The following SLCO3A1 variants were observed in gnomAD, a reference collection of about 807,000 sequenced individuals.
SLCO3A1 encodes PGE1 transporter.
SLCO3A1 carries 27 observed loss-of-function variants against 63.1 expected under a neutral mutation model. The ratio of observed to expected loss-of-function variants is 0.43; its 90% CI spans 0.32 to 0.59. The LOEUF (loss-of-function observed/expected upper bound fraction) is 0.59. Among genes scored for constraint, SLCO3A1 ranks in the 20% least tolerant of loss-of-function variants. The pLI, the probability that SLCO3A1 is intolerant of heterozygous loss-of-function variation, is 0.09. For missense variants in SLCO3A1, 773 were observed against 945.8 expected, an observed-to-expected ratio of 0.82 and a Z score of 2.40; for synonymous variants, 473 against 409.9, an observed-to-expected ratio of 1.15 and a Z score of -1.86.
At chr15:92,082,949 C>T (rs2047364352) in intron 2 of SLCO3A1, among the ~76,000 whole-genome samples, 1 of 152,168 alleles carries the variant, frequency 6.6e-6, no homozygotes, top group East Asian at 1.9e-4. Flanking sequence ...TTCTCATCTA[C>T]AAAAAGAGTC....
Position 92,128,445 on chromosome 15 carries a change from G to A in SLCO3A1, c.1468G>A (p.Gly490Ser), listed in dbSNP as rs772376556. The stretch of plus-strand genomic sequence containing the variant: ...CTTCACTCCAGTGTGTGGGGCAGAT[G>A]GCATCACCTACCTGTCTGCCTGCTT... Reference protein sequence around the residue: ...DSFTPVCGADGITYLSACFAG... With the variant: ...DSFTPVCGADSITYLSACFAG... The change falls in exon 7 of 10, where the codon GGC becomes AGC. Residue 490 changes from glycine (G) to serine (S), a missense_variant. This residue lies in a region of SLCO3A1 where 565 missense variants were observed against 749.8 expected (regional missense o/e 0.75). Transcript: ENST00000318445. 6.2e-7 allele frequency: 1 copy of A among 1,614,090 alleles called. No homozygotes were observed. Among genetic ancestry groups the A allele is most frequent in the Non-Finnish European group, 8.5e-7 (1 of 1,179,976 alleles).
intron 1 of SLCO3A1, among the ~76,000 whole-genome samples, chr15:91,877,318 T>C (rs1429280386): frequency 6.6e-6 from 1 of 152,212 alleles, no homozygotes; most frequent in Non-Finnish European, 1.5e-5. Context: ...TAATCTCTCT[T>C]AACCTTAAAA....
chr15:92,032,081 C>G (rs891002074), intron 2 of SLCO3A1, among the ~76,000 whole-genome samples: 1 of 152,326 alleles, frequency 6.6e-6, no homozygotes, highest in Non-Finnish European at 1.5e-5. Flanking sequence ...GATATTCAGT[C>G]TACCCTCATT....
At chr15:92,171,762 T>A in intron 10 of SLCO3A1, 8 of 1,535,578 alleles carry the variant, frequency 5.2e-6, no homozygotes, top group Non-Finnish European at 7.1e-6. Flanking sequence ...TGGCTCTTCT[T>A]CCCTCCTCCC....
Position 92,164,311 on chromosome 15 carries a change from G to T in SLCO3A1, c.*1176G>T, listed in dbSNP as rs1397548844. 1.0e-6 allele frequency: 1 copy of T among 984,426 alleles called. No homozygotes were observed. The allele number at this position is 984,426 out of a possible 1,614,324, so 61.0% of individuals were successfully genotyped here. A position where few individuals can be genotyped will look rare whatever the true frequency, so the allele number is the denominator to read the frequency against. On this transcript the variant is annotated 3_prime_UTR_variant, in exon 10 of 10. Coordinates refer to ENST00000318445, the MANE Select transcript of SLCO3A1 (RefSeq NM_013272.4). ...AACAAGAATATACAATGTGTTACAA[G>T]AAGAAAAAAAAATGCTTCAAAAAGA...
chr15:91,966,018 C>A (rs1377974333), intron 2 of SLCO3A1, among the ~76,000 whole-genome samples: 1 of 152,130 alleles, frequency 6.6e-6, no homozygotes, highest in Non-Finnish European at 1.5e-5. Flanking sequence ...TGTATTTCAT[C>A]CCCTCCTGGT....
Position 92,136,281 on chromosome 15 carries a change from GA to G in SLCO3A1, c.1512+7794del, listed in dbSNP as rs1444185456. ...CTTAGAAAAATAATCTTTCCACCTT[GA>G]ACTTCGCTTCCTTTGTACAATTAAT... On this transcript the variant is annotated intron_variant, in intron 7 of 9. Coordinates refer to ENST00000318445, the MANE Select transcript of SLCO3A1 (RefSeq NM_013272.4). Among the ~76,000 whole-genome samples, 3 of 152,126 alleles carry G rather than the reference GA, an allele frequency of 2.0e-5. No homozygotes were observed. In the East Asian group the frequency reaches 5.8e-4, roughly 29 times the overall value.
intron 2 of SLCO3A1, among the ~76,000 whole-genome samples, chr15:92,011,625 C>A (rs564982823): frequency 6.6e-6 from 1 of 152,308 alleles, no homozygotes; most frequent in Non-Finnish European, 1.5e-5. Context: ...TGCTTTTTAA[C>A]CCCCTTGGCG....
chr15:92,057,975 A>T (rs965192432), intron 2 of SLCO3A1, among the ~76,000 whole-genome samples: 5 of 152,194 alleles, frequency 3.3e-5, no homozygotes, highest in African/African-American at 9.7e-5. Context: ...TATTGTAAGT[A>T]TGATACATCC....
At chr15:92,000,742 T>C (rs2046243812) in intron 2 of SLCO3A1, among the ~76,000 whole-genome samples, 2 of 152,254 alleles carry the variant, frequency 1.3e-5, no homozygotes, top group Admixed American at 6.5e-5. Flanking sequence ...TAGAAATCTG[T>C]CTCTTAGCAG....
At position 91,883,060 on chromosome 15, in the gene SLCO3A1, G is replaced by C. The variant is rs1012319256; in HGVS notation, c.180+28972G>C. Among the ~76,000 whole-genome samples, 2 of 152,242 alleles carry C rather than the reference G, an allele frequency of 1.3e-5. No homozygotes were observed. The highest frequency in any genetic ancestry group is 4.8e-5 in the African/African-American group (2 of 41,460). On this transcript the variant is annotated intron_variant, in intron 1 of 9. Coordinates refer to ENST00000318445, the MANE Select transcript of SLCO3A1 (RefSeq NM_013272.4). The surrounding 1 kb of genome is among the most constrained non-coding windows in gnomAD (Gnocchi z 4.8). ...TCCACTGTAAACAGAGAGGAGAATG[G>C]TGAGGACTTGGGAAGGAGCCATGTG...
At chr15:92,130,210 T>A (rs1392911689) in intron 7 of SLCO3A1, among the ~76,000 whole-genome samples, 1 of 152,232 alleles carries the variant, frequency 6.6e-6, no homozygotes, top group Non-Finnish European at 1.5e-5. Flanking sequence ...TACAGGAGTC[T>A]TATTGAATAA....
chr15:92,072,022 TTGTG>T (rs1437460838), intron 2 of SLCO3A1, among the ~76,000 whole-genome samples: 1 of 152,194 alleles, frequency 6.6e-6, no homozygotes, highest in African/African-American at 2.4e-5. Flanking sequence ...ATGACGCACT[TTGTG>T]TGAGATGCCT....
intron 2 of SLCO3A1, among the ~76,000 whole-genome samples, chr15:92,021,083 A>G (rs1037931992): frequency 6.6e-6 from 1 of 152,202 alleles, no homozygotes; most frequent in African/African-American, 2.4e-5. Context: ...TTTCCCAGAC[A>G]TGTCTAAGTA....
At chr15:92,046,477 C>G (rs2046864916) in intron 2 of SLCO3A1, among the ~76,000 whole-genome samples, 1 of 152,098 alleles carries the variant, frequency 6.6e-6, no homozygotes, top group South Asian at 2.1e-4. Context: ...TTGCATTGAG[C>G]CAAGATCATG....
intron 2 of SLCO3A1, among the ~76,000 whole-genome samples, chr15:91,934,476 C>A (rs796465806): frequency 7.2e-5 from 11 of 152,158 alleles, no homozygotes; most frequent in African/African-American, 2.7e-4. Context: ...AAGGGAAAAG[C>A]GGGTGCCCCA....
intron 2 of SLCO3A1, among the ~76,000 whole-genome samples, chr15:91,971,354 C>A (rs113259622): frequency 8.7e-6 from 1 of 114,354 alleles, no homozygotes; most frequent in African/African-American, 3.1e-5. Flanking sequence ...GAGGTCGTGC[C>A]ACTGCACTCC....
intron 2 of SLCO3A1, among the ~76,000 whole-genome samples, chr15:91,939,305 A>G (rs12901800): frequency 0.71 from 108,396 of 152,008 alleles, 39,549 homozygotes; most frequent in East Asian, 0.98. Flanking sequence ...GAACAGCACC[A>G]AGAGGATGGT....
chr15:92,092,970 C>T (rs1202288103), intron 2 of SLCO3A1, among the ~76,000 whole-genome samples: 1 of 152,166 alleles, frequency 6.6e-6, no homozygotes, highest in Non-Finnish European at 1.5e-5. Flanking sequence ...TTCCAGATTT[C>T]TTCGCATCCA....
Sources: allele counts gnomAD v4.1 joint callset (sites outside exome capture counted in the v4.1 genomes callset), GRCh38; gene constraint gnomAD v4.1.1; regional missense constraint gnomAD v4.1.1; non-coding constraint Gnocchi (gnomAD v3.1); transcripts MANE v1.5; gene names NCBI Gene and HGNC (gene_info 2026-07-23, HGNC 2026-07-21).